Variants in ADAMTSL1 observed in about 807,000 individuals in gnomAD.
ADAMTSL1 encodes ADAMTS-like protein 1.
A neutral mutation model predicts 201.8 loss-of-function variants in ADAMTSL1; 126 were observed. The observed-to-expected ratio is 0.62, with a 90% confidence interval of 0.54 to 0.72. The LOEUF is 0.72. Among genes scored for constraint, ADAMTSL1 ranks in the 30% least tolerant of loss-of-function variants. ADAMTSL1 has a pLI of 0.00. For missense variants in ADAMTSL1, 2,679 were observed against 2,277.8 expected, an observed-to-expected ratio of 1.18 and a Z score of -3.59; for synonymous variants, 1,121 against 903.4, an observed-to-expected ratio of 1.24 and a Z score of -4.32.
At chr9:17,948,097 C>T (rs1827581940) in intron 1 of ADAMTSL1, among the ~76,000 whole-genome samples, 1 of 152,130 alleles carries the variant, frequency 6.6e-6, no homozygotes, top group African/African-American at 2.4e-5. Flanking sequence ...AATGGAAACT[C>T]AGTGCTTAAT....
At chr9:18,120,692 C>T (rs1004873081) in intron 1 of ADAMTSL1, among the ~76,000 whole-genome samples, 5 of 152,124 alleles carry the variant, frequency 3.3e-5, no homozygotes, top group African/African-American at 1.2e-4. Flanking sequence ...GAAATTAGTT[C>T]TGCTCAAACT....
intron 1 of ADAMTSL1, among the ~76,000 whole-genome samples, chr9:18,000,370 T>C (rs60419977): frequency 0.091 from 13,867 of 151,904 alleles, 740 homozygotes; most frequent in African/African-American, 0.14. Context: ...ATAATTATTT[T>C]CTTCTCTAAT....
intron 2 of ADAMTSL1, among the ~76,000 whole-genome samples, chr9:18,215,231 G>C (rs1830018574): frequency 6.6e-6 from 1 of 152,052 alleles, no homozygotes; most frequent in African/African-American, 2.4e-5. Context: ...AATTTTGACA[G>C]TTCCAGTAGT....
At chr9:18,540,713 T>A (rs1423544038) in intron 3 of ADAMTSL1, among the ~76,000 whole-genome samples, 1 of 152,160 alleles carries the variant, frequency 6.6e-6, no homozygotes, top group Non-Finnish European at 1.5e-5. Context: ...TATCTACCCC[T>A]TCTGTGCATT....
intron 21 of ADAMTSL1, among the ~76,000 whole-genome samples, chr9:18,820,129 G>A (rs948810799): frequency 1.3e-5 from 2 of 152,308 alleles, no homozygotes; most frequent in Admixed American, 6.5e-5. Context: ...GTAATAGACA[G>A]GGAAGAGGGA....
At chr9:18,106,652 C>T (rs1576621) in intron 1 of ADAMTSL1, among the ~76,000 whole-genome samples, 31,416 of 152,138 alleles carry the variant, frequency 0.21, 5,679 homozygotes, top group African/African-American at 0.48. Flanking sequence ...ATGGAATCTA[C>T]GTAATCTCTT....
At position 18,817,151 on chromosome 9, in the gene ADAMTSL1, C is replaced by G; in HGVS notation, c.3848C>G (p.Thr1283Arg). ...VKTSRMTVIN[T>R]EKPAVTVDIG... ...ACGTCACGAATGACAGTGATCAACACGGAGAAGCCTGCAGTCACAGTCGAT... is the reference window on the plus strand; with the variant it reads ...ACGTCACGAATGACAGTGATCAACAGGGAGAAGCCTGCAGTCACAGTCGAT... Residue 1283 changes from threonine to arginine, a missense_variant, in exon 21 of 29, where the codon ACG (threonine) becomes AGG (arginine). Coordinates refer to ENST00000380548, the MANE Select transcript of ADAMTSL1 (RefSeq NM_001040272.6). 1 of 1,601,770 alleles carries G rather than the reference C, an allele frequency of 6.2e-7. No individual in the cohort carries two copies. Among genetic ancestry groups the G allele is most frequent in the South Asian group, 1.1e-5 (1 of 88,358 alleles).
chr9:18,738,212 T>G (rs1229774580), intron 15 of ADAMTSL1, among the ~76,000 whole-genome samples: 1 of 152,210 alleles, frequency 6.6e-6, no homozygotes, highest in Non-Finnish European at 1.5e-5. Context: ...AAGGATTTTC[T>G]TACAGCCGTG....
intron 1 of ADAMTSL1, among the ~76,000 whole-genome samples, chr9:18,007,434 G>GC (rs1003995433): frequency 2.6e-5 from 4 of 151,962 alleles, no homozygotes; most frequent in African/African-American, 9.7e-5. Context: ...TCATTAGCCA[G>GC]CTACATAGTA....
chr9:18,875,809 T>C (rs1828110272), intron 23 of ADAMTSL1, among the ~76,000 whole-genome samples: 1 of 152,194 alleles, frequency 6.6e-6, no homozygotes, highest in African/African-American at 2.4e-5. Context: ...CTTTGTTGAC[T>C]GTCTTGATGA....
At chr9:18,458,137 C>T (rs1001866528) in intron 2 of ADAMTSL1, among the ~76,000 whole-genome samples, 1 of 152,134 alleles carries the variant, frequency 6.6e-6, no homozygotes, top group Non-Finnish European at 1.5e-5. Flanking sequence ...TTCAGGATTT[C>T]ATAGAAGTAA....
intron 23 of ADAMTSL1, among the ~76,000 whole-genome samples, chr9:18,846,004 A>G (rs538671442): frequency 9.3e-4 from 141 of 152,234 alleles, no homozygotes; most frequent in Non-Finnish European, 1.7e-3. Flanking sequence ...AGTTCCATTT[A>G]CTTATTCAAG....
chr9:18,743,082 C>A (rs1818935627), intron 15 of ADAMTSL1, among the ~76,000 whole-genome samples: 1 of 152,134 alleles, frequency 6.6e-6, no homozygotes, highest in Admixed American at 6.5e-5. Context: ...ATTATAACAG[C>A]CAGCAGGAAT....
chr9:18,561,856 T>G (rs1317960490), intron 3 of ADAMTSL1, among the ~76,000 whole-genome samples: 2 of 152,332 alleles, frequency 1.3e-5, no homozygotes, highest in East Asian at 3.9e-4. Context: ...CCTGCTTTTT[T>G]TGCTTTCTAT....
chr9:18,173,716 A>G (rs1201436130), intron 2 of ADAMTSL1, among the ~76,000 whole-genome samples: 3 of 152,092 alleles, frequency 2.0e-5, no homozygotes, highest in East Asian at 1.9e-4. Flanking sequence ...GGCTCAGACA[A>G]CCTCTCAAAT....
In ADAMTSL1 at chr9:18,474,215, T is replaced by A. The variant is rs771747649; in HGVS notation, c.-18T>A. ...AGCTTATTCAGTGTCCGATTCTGAT[T>A]CCGGCAAGGATCCAAGCATGGAATG... On this transcript the variant is annotated 5_prime_UTR_variant, in exon 1 of 29. Coordinates refer to ENST00000380548, the MANE Select transcript of ADAMTSL1 (RefSeq NM_001040272.6). 10 of 1,613,838 alleles carry A rather than the reference T, an allele frequency of 6.2e-6. No individual in the cohort carries two copies. The highest frequency in any genetic ancestry group is 3.4e-6 in the Non-Finnish European group (4 of 1,179,884).
At chr9:18,396,641 G>A (rs1346248674) in intron 2 of ADAMTSL1, among the ~76,000 whole-genome samples, 2 of 150,786 alleles carry the variant, frequency 1.3e-5, no homozygotes, top group Admixed American at 6.6e-5. Flanking sequence ...AATGTCCTGT[G>A]CAAATAGAGT....
intron 21 of ADAMTSL1, among the ~76,000 whole-genome samples, chr9:18,818,240 C>A (rs77580458): frequency 0.014 from 2,145 of 152,154 alleles, 53 homozygotes; most frequent in African/African-American, 0.049. Flanking sequence ...CAGATATACC[C>A]CACAGTGGCA....
At chr9:18,587,204 G>C (rs190409110) in intron 4 of ADAMTSL1, among the ~76,000 whole-genome samples, 17 of 152,236 alleles carry the variant, frequency 1.1e-4, no homozygotes, top group African/African-American at 4.1e-4. Context: ...CTATGCAACT[G>C]ACAAACGTCT....
Sources: gnomAD v4.1 joint callset for allele counts (sites outside exome capture counted in the v4.1 genomes callset) on GRCh38, gnomAD v4.1.1 for gene constraint, MANE v1.5 for transcripts, NCBI Gene and HGNC (gene_info 2026-07-23, HGNC 2026-07-21) for gene names.